The following DNM2 variants were observed in gnomAD, a reference collection of about 807,000 sequenced individuals.
DNM2 encodes the protein dynamin 2, also known as dynamin-2.
In DNM2, 15 loss-of-function variants were observed where a neutral mutation model predicts 99.0. The ratio of observed to expected loss-of-function variants is 0.15; its 90% CI spans 0.10 to 0.23. The LOEUF is 0.23. Among genes scored for constraint, DNM2 ranks in the 10% least tolerant of loss-of-function variants. DNM2 has a pLI of 1.00. For missense variants in DNM2, 742 were observed against 1,189.4 expected (o/e 0.62, Z 5.53); for synonymous variants, 525 against 481.2 (o/e 1.09, Z -1.19).
At chr19:10,823,747 C>A in intron 16 of DNM2, 41 bp from the exon 17 acceptor site, 1 of 1,579,026 alleles carries the variant, frequency 6.3e-7, no homozygotes, top group Non-Finnish European at 8.7e-7. Context: ...AGACCCATGG[C>A]AGGGTCAAGC....
At chr19:10,760,198 T>A (rs1489675818) in intron 2 of DNM2, among the ~76,000 whole-genome samples, 3 of 120,060 alleles carry the variant, frequency 2.5e-5, no homozygotes, top group Non-Finnish European at 5.0e-5. Flanking sequence ...CATGGCCAGC[T>A]TTTTTTTTTT....
intron 18 of DNM2, 126 bp downstream of exon 18, chr19:10,825,347 C>CA: frequency 1.5e-6 from 2 of 1,340,836 alleles, no homozygotes; most frequent in Non-Finnish European, 2.1e-6. Flanking sequence ...CCAGCCTGGC[C>CA]AAAACGGTGA....
In DNM2 at chr19:10,764,732, C is replaced by T. The variant is rs1286109434; in HGVS notation, c.235+4921C>T. On this transcript the variant is annotated intron_variant, in intron 2 of 20. Coordinates refer to ENST00000389253, the MANE Select transcript of DNM2 (RefSeq NM_001005361.3). This position sits in a 1 kb window ranked among gnomAD's most constrained non-coding sequence, Gnocchi z 4.1. The stretch of plus-strand genomic sequence containing the variant: ...TTGTGGCCCTTGCCAGTCTCTGGGA[C>T]CTCACCTCCTCCTGGTCCCCAGCCA... Among the ~76,000 whole-genome samples, 1 of 152,162 alleles carries T rather than the reference C, an allele frequency of 6.6e-6. No individual in the cohort carries two copies. The highest frequency in any genetic ancestry group is 1.9e-4 in the East Asian group (1 of 5,170).
chr19:10,778,047 ATTTATTT>A, intron 5 of DNM2, among the ~76,000 whole-genome samples: 1 of 148,366 alleles, frequency 6.7e-6, no homozygotes, highest in South Asian at 2.1e-4. Context: ...TTATTTATTT[ATTTATTT>A]ATGAGACGGA....
Position 10,795,919 on chromosome 19 carries a change from G to A in DNM2, c.1196+480G>A. ...CTCGGGTCACCCTGAGGGTTTCCGG[G>A]CAGTGGACTCAGGCATCCGACCCCA... On this transcript the variant is annotated intron_variant, in intron 9 of 20. Transcript: ENST00000389253. The surrounding 1 kb of genome is among the most constrained non-coding windows in gnomAD (Gnocchi z 4.2). The A allele has an allele frequency of 7.1e-7, 1 of 1,399,488 alleles. No homozygotes were observed. Among genetic ancestry groups the A allele is most frequent in the Admixed American group, 1.7e-5 (1 of 59,568 alleles). 86.7% of individuals were successfully genotyped at this position (1,399,488 alleles called of 1,614,324 possible).
chr19:10,786,858 A>C (rs954183060), intron 7 of DNM2, 152 bp downstream of exon 7: 140 of 1,464,476 alleles, frequency 9.6e-5, no homozygotes, highest in Admixed American at 1.4e-4. Context: ...GCTCCATCCT[A>C]AGCATGGCAT....
chr19:10,809,723 C>T (rs2072473960), intron 14 of DNM2: 1 of 152,430 alleles, frequency 6.6e-6, no homozygotes, highest in Non-Finnish European at 1.5e-5. Flanking sequence ...GACATTCTCC[C>T]ACTGCCAGCC....
At chr19:10,733,038 C>T (rs1428397165) in intron 1 of DNM2, among the ~76,000 whole-genome samples, 1 of 151,870 alleles carries the variant, frequency 6.6e-6, no homozygotes, top group African/African-American at 2.4e-5. Flanking sequence ...CACCTGTCAC[C>T]ATGCCCAGCT....
In DNM2 at chr19:10,830,873, TG is replaced by T; in HGVS notation, c.2544-101del. The T allele has an allele frequency of 1.5e-6, 2 of 1,372,440 alleles. No homozygotes were observed. Among genetic ancestry groups the T allele is most frequent in the South Asian group, 1.4e-5 (1 of 72,260 alleles). The allele number at this position is 1,372,440 out of a possible 1,614,324, so 85.0% of individuals were successfully genotyped here. A position where few individuals can be genotyped will look rare whatever the true frequency, so the allele number is the denominator to read the frequency against. The stretch of plus-strand genomic sequence containing the variant: ...TGCGGAGGTCAGCCTGGGAACACCC[TG>T]GGGTGGTGTGTGGGTGGGGGCTGGG... On this transcript the variant is annotated intron_variant, in intron 20 of 20. Coordinates refer to ENST00000389253, the MANE Select transcript of DNM2 (RefSeq NM_001005361.3). The surrounding 1 kb of genome is among the most constrained non-coding windows in gnomAD (Gnocchi z 4.8).
chr19:10,768,788 G>C (rs902975458), intron 2 of DNM2: 2 of 152,302 alleles, frequency 1.3e-5, no homozygotes, highest in Non-Finnish European at 2.9e-5. Context: ...CCTAACATGC[G>C]TGAGTGTGCC....
intron 5 of DNM2, among the ~76,000 whole-genome samples, chr19:10,779,154 G>A (rs1441033483): frequency 1.3e-5 from 2 of 151,374 alleles, no homozygotes; most frequent in African/African-American, 2.4e-5. Flanking sequence ...GGTGGAGGTT[G>A]CAGCGAGCTG....
At chr19:10,744,627 G>A (rs2069894443) in intron 1 of DNM2, among the ~76,000 whole-genome samples, 1 of 152,106 alleles carries the variant, frequency 6.6e-6, no homozygotes, top group Non-Finnish European at 1.5e-5. Flanking sequence ...GTACAGAGCT[G>A]GAAATCCATA....
intron 3 of DNM2, among the ~76,000 whole-genome samples, chr19:10,774,775 A>AT (rs1448828679): frequency 1.4e-4 from 15 of 108,916 alleles, no homozygotes; most frequent in African/African-American, 2.1e-4. Flanking sequence ...TTTATTATAT[A>AT]TTTATTTTTT....
intron 2 of DNM2, among the ~76,000 whole-genome samples, chr19:10,767,138 T>C (rs2070824325): frequency 6.6e-6 from 1 of 151,778 alleles, no homozygotes; most frequent in African/African-American, 2.4e-5. Context: ...TGGCTGGGCC[T>C]CGGCTGCTGC....
Position 10,726,038 on chromosome 19 carries a change from G to A in DNM2, c.161+7635G>A, listed in dbSNP as rs543840055. ...GATTGAGACCATCCTGGCCAACATG[G>A]TGAAACCCTGTCTCTACTAAAAATC... On this transcript the variant is annotated intron_variant, in intron 1 of 20. Coordinates refer to ENST00000389253, the MANE Select transcript of DNM2 (RefSeq NM_001005361.3). 5.3e-5 allele frequency among the ~76,000 whole-genome samples: 8 copies of A among 152,150 alleles called. No homozygotes were observed. In the South Asian group the frequency reaches 1.5e-3, roughly 28 times the overall value.
At position 10,814,152 on chromosome 19, in the gene DNM2, A is replaced by T. The variant is rs552235802; in HGVS notation, c.1671+1775A>T. ...CACTGAACTCCAGCCTGGGCGACAG[A>T]GTGAGAGACTCCCTCTCAAAAATAA... On this transcript the variant is annotated intron_variant, in intron 15 of 20. Transcript: ENST00000389253. Among the ~76,000 whole-genome samples the T allele has an allele frequency of 8.1e-5, 12 of 148,708 alleles. No individual in the cohort carries two copies. The South Asian group carries it at 1.9e-3, about 24-fold the overall frequency.
Position 10,795,523 on chromosome 19 carries a change from G to A in DNM2, c.1196+84G>A. 1 of 1,500,504 alleles carries A rather than the reference G, an allele frequency of 6.7e-7. No individual in the cohort carries two copies. The highest frequency in any genetic ancestry group is 9.3e-7 in the Non-Finnish European group (1 of 1,080,070). The allele number at this position is 1,500,504 out of a possible 1,614,324, so 92.9% of individuals were successfully genotyped here. A position where few individuals can be genotyped will look rare whatever the true frequency, so the allele number is the denominator to read the frequency against. On this transcript the variant is annotated intron_variant, in intron 9 of 20. Coordinates refer to ENST00000389253, the MANE Select transcript of DNM2 (RefSeq NM_001005361.3). This position sits in a 1 kb window ranked among gnomAD's most constrained non-coding sequence, Gnocchi z 4.2. ...CTAATTGGGTCACCCACACCTCTGAGTCCCTAATCGTTAGGCCTTAAGAGG... is the reference window on the plus strand; with the variant it reads ...CTAATTGGGTCACCCACACCTCTGAATCCCTAATCGTTAGGCCTTAAGAGG...
chr19:10,774,564 T>C (rs1047861715), intron 3 of DNM2, among the ~76,000 whole-genome samples: 2 of 151,906 alleles, frequency 1.3e-5, no homozygotes, highest in African/African-American at 4.8e-5. Flanking sequence ...GTAGCTGGGA[T>C]TACAGGCATG....
rs1284032378 is a variant in DNM2, at chr19:10,775,406, TTTGGTA to T, written c.386-292_386-287del. Among the ~76,000 whole-genome samples the T allele has an allele frequency of 6.6e-6, 1 of 152,218 alleles. No homozygotes were observed. The highest frequency in any genetic ancestry group is 6.5e-5 in the Admixed American group (1 of 15,274). ...CTCATCTGTTTGTCTGTAATGGTTCTTTGGTATTGGCTGAATGGATGGGCTGAAATT... is the reference window on the plus strand; with the variant it reads ...CTCATCTGTTTGTCTGTAATGGTTCTTTGGCTGAATGGATGGGCTGAAATT... On this transcript the variant is annotated intron_variant, in intron 3 of 20. Transcript: ENST00000389253. This position sits in a 1 kb window ranked among gnomAD's most constrained non-coding sequence, Gnocchi z 4.3.
Sources: allele counts gnomAD v4.1 joint callset (sites outside exome capture counted in the v4.1 genomes callset), GRCh38; gene constraint gnomAD v4.1.1; non-coding constraint Gnocchi (gnomAD v3.1); transcripts MANE v1.5; gene names NCBI Gene and HGNC (gene_info 2026-07-23, HGNC 2026-07-21).